The following MYO3A variants were observed in gnomAD, a reference collection of about 807,000 sequenced individuals.
The protein encoded by MYO3A is myosin-IIIa.
MYO3A carries 180 observed loss-of-function variants against 192.7 expected under a neutral mutation model. The observed-to-expected ratio is 0.93, with a 90% CI of 0.83 to 1.06. The LOEUF is 1.06. MYO3A is among the 50% of genes least tolerant of loss of function. MYO3A has a pLI of 0.00. For synonymous variants in MYO3A, 628 were observed against 645.3 expected, an observed-to-expected ratio of 0.97 and a Z score of 0.41; for missense variants, 1,896 against 1,905.0, an observed-to-expected ratio of 1.00 and a Z score of 0.09.
At chr10:26,033,267 G>T (rs1216018669) in intron 10 of MYO3A, among the ~76,000 whole-genome samples, 1 of 152,068 alleles carries the variant, frequency 6.6e-6, no homozygotes, top group Non-Finnish European at 1.5e-5. Flanking sequence ...TTTTAGTAGA[G>T]ATGGGGTTTC....
chr10:26,004,296 G>A (rs1360787706), intron 6 of MYO3A, among the ~76,000 whole-genome samples: 1 of 152,060 alleles, frequency 6.6e-6, no homozygotes, highest in Non-Finnish European at 1.5e-5. Context: ...ACCTAAAGGA[G>A]GCCTGATACA....
chr10:26,078,209 T>G (rs1341944343), intron 14 of MYO3A, among the ~76,000 whole-genome samples: 1 of 151,760 alleles, frequency 6.6e-6, no homozygotes. Flanking sequence ...AGTATTTGAT[T>G]CTTCCTGATT....
In MYO3A at chr10:26,196,306, A is replaced by AT. The variant is rs775100960; in HGVS notation, c.4545+2997dup. The stretch of plus-strand genomic sequence containing the variant: ...GCAGATACTATTCCCAGTATGAGAA[A>AT]TTGTAAAAGACCTGAACTGAAGTGA... On this transcript the variant is annotated intron_variant, in intron 32 of 34. Transcript: ENST00000642920. Among the ~76,000 whole-genome samples, 15 of 152,370 alleles carry AT rather than the reference A, an allele frequency of 9.8e-5. No individual in the cohort carries two copies. In the South Asian group the frequency reaches 3.1e-3, roughly 32 times the overall value.
chr10:25,980,354 C>T (rs1839250894), intron 4 of MYO3A, among the ~76,000 whole-genome samples: 1 of 152,106 alleles, frequency 6.6e-6, no homozygotes, highest in South Asian at 2.1e-4. Flanking sequence ...GTATTTTAAG[C>T]CTCTTGAGAA....
chr10:25,996,468 A>G (rs1447827877), intron 4 of MYO3A, 22 bp from the exon 5 acceptor site: 51 of 1,583,434 alleles, frequency 3.2e-5, no homozygotes, highest in Non-Finnish European at 4.3e-5. Flanking sequence ...TTTAATAGCC[A>G]TCTTAAAATA....
chr10:26,183,454 C>G (rs900218503), intron 31 of MYO3A, among the ~76,000 whole-genome samples: 1 of 152,004 alleles, frequency 6.6e-6, no homozygotes, highest in Non-Finnish European at 1.5e-5. Flanking sequence ...ACCCGGGAGG[C>G]GGAGCTTGCA....
At chr10:26,045,228 T>C (rs116377067) in intron 10 of MYO3A, among the ~76,000 whole-genome samples, 79 of 152,314 alleles carry the variant, frequency 5.2e-4, no homozygotes, top group African/African-American at 1.9e-3. Flanking sequence ...GACTTGTCCA[T>C]GAGCACTTGT....
chr10:25,936,894 A>G (rs548724859), intron 2 of MYO3A, among the ~76,000 whole-genome samples: 1 of 152,074 alleles, frequency 6.6e-6, no homozygotes, highest in African/African-American at 2.4e-5. Flanking sequence ...AAGCAGTTAA[A>G]AAAAATAGCC....
intron 14 of MYO3A, among the ~76,000 whole-genome samples, chr10:26,084,268 G>C (rs1836164186): frequency 6.6e-6 from 1 of 152,162 alleles, no homozygotes; most frequent in Admixed American, 6.5e-5. Flanking sequence ...TGTTAAGCTA[G>C]ACTTGCATGC....
At chr10:26,192,500 G>A (rs1313187481) in intron 31 of MYO3A, among the ~76,000 whole-genome samples, 1 of 152,152 alleles carries the variant, frequency 6.6e-6, no homozygotes, top group Non-Finnish European at 1.5e-5. Context: ...AAGAGGTTCT[G>A]TGAGCATAAC....
intron 6 of MYO3A, among the ~76,000 whole-genome samples, chr10:26,013,055 C>A (rs1841768233): frequency 6.6e-6 from 1 of 151,882 alleles, no homozygotes; most frequent in Non-Finnish European, 1.5e-5. Context: ...ATGATGCTGG[C>A]AAAACTGGCA....
intron 4 of MYO3A, among the ~76,000 whole-genome samples, chr10:25,965,949 G>GTTTTT (rs925416760): frequency 4.8e-5 from 7 of 145,464 alleles, no homozygotes; most frequent in African/African-American, 1.8e-4. Context: ...ATTCAGAACT[G>GTTTTT]TTTTTTTTTT....
chr10:26,074,447 T>A (rs1384647701), intron 14 of MYO3A, among the ~76,000 whole-genome samples: 1 of 151,806 alleles, frequency 6.6e-6, no homozygotes, highest in Non-Finnish European at 1.5e-5. Flanking sequence ...ACTTATACTA[T>A]ACTAAATATC....
chr10:26,043,401 A>G (rs940849946), intron 10 of MYO3A, among the ~76,000 whole-genome samples: 1 of 151,452 alleles, frequency 6.6e-6, no homozygotes, highest in African/African-American at 2.4e-5. Flanking sequence ...TCAGTTCAGG[A>G]CAGTGAGTTC....
intron 4 of MYO3A, among the ~76,000 whole-genome samples, chr10:25,975,660 A>G (rs1309843865): frequency 1.3e-5 from 2 of 152,236 alleles, no homozygotes; most frequent in African/African-American, 4.8e-5. Context: ...CCAGATGTAA[A>G]GTACTTCACA....
intron 4 of MYO3A, among the ~76,000 whole-genome samples, chr10:25,956,495 ATTT>A (rs562368305): frequency 2.3e-5 from 3 of 128,822 alleles, no homozygotes; most frequent in African/African-American, 5.9e-5. Flanking sequence ...GCCCAGCTAA[ATTT>A]TTTTTTTTTT....
chr10:25,974,957 T>C (rs1838883485), intron 4 of MYO3A, among the ~76,000 whole-genome samples: 2 of 152,200 alleles, frequency 1.3e-5, no homozygotes, highest in South Asian at 2.1e-4. Flanking sequence ...TTATTTCTTA[T>C]AAAGTGTTGC....
At chr10:26,107,950 T>C (rs1196568261) in intron 17 of MYO3A, among the ~76,000 whole-genome samples, 4 of 152,188 alleles carry the variant, frequency 2.6e-5, no homozygotes, top group African/African-American at 7.2e-5. Flanking sequence ...TTCTTTTTTT[T>C]TAAGAGAATA....
At chr10:26,155,527 T>C (rs1461661488) in intron 25 of MYO3A, among the ~76,000 whole-genome samples, 1 of 152,240 alleles carries the variant, frequency 6.6e-6, no homozygotes, top group Non-Finnish European at 1.5e-5. Flanking sequence ...TTATTACTTA[T>C]GTAATTTAAT....
Sources: gnomAD v4.1 joint callset for allele counts (sites outside exome capture counted in the v4.1 genomes callset) on GRCh38, gnomAD v4.1.1 for gene constraint, MANE v1.5 for transcripts, NCBI Gene and HGNC (gene_info 2026-07-23, HGNC 2026-07-21) for gene names.